Variants in AHCYL2 observed in about 807,000 individuals in gnomAD.
AHCYL2 encodes adenosylhomocysteinase like 2.
A neutral mutation model predicts 81.4 loss-of-function variants in AHCYL2; 28 were observed. The observed-to-expected ratio is 0.34, with a 90% CI of 0.25 to 0.47. The LOEUF is 0.47. AHCYL2 is among the 20% of genes least tolerant of loss of function. The pLI, the probability that AHCYL2 is intolerant of heterozygous loss-of-function variation, is 1.00. For missense variants in AHCYL2, 551 were observed against 785.1 expected, an observed-to-expected ratio of 0.70 and a Z score of 3.56; for synonymous variants, 272 against 290.2, an observed-to-expected ratio of 0.94 and a Z score of 0.64.
chr7:129,285,020 A>G (rs185225005), intron 1 of AHCYL2, among the ~76,000 whole-genome samples: 10 of 152,360 alleles, frequency 6.6e-5, no homozygotes, highest in African/African-American at 2.2e-4. Context: ...AAAAATTAGA[A>G]AACATGGTAC....
intron 1 of AHCYL2, among the ~76,000 whole-genome samples, chr7:129,226,153 T>G (rs1794207525): frequency 6.6e-6 from 1 of 152,240 alleles, no homozygotes; most frequent in African/African-American, 2.4e-5. Flanking sequence ...GATTGCTTTA[T>G]TATAATCTGA....
chr7:129,372,053 GCT>G (rs903812778), intron 1 of AHCYL2, among the ~76,000 whole-genome samples: 1 of 152,114 alleles, frequency 6.6e-6, no homozygotes. Flanking sequence ...AAAACTATGG[GCT>G]CTCTCCCCAG....
chr7:129,370,524 C>T (rs570265102), intron 1 of AHCYL2, among the ~76,000 whole-genome samples: 7 of 151,930 alleles, frequency 4.6e-5, no homozygotes, highest in Admixed American at 1.3e-4. Flanking sequence ...CAGTGAAACC[C>T]GGTCTCTACT....
At chr7:129,253,607 T>A (rs1170680332) in intron 1 of AHCYL2, among the ~76,000 whole-genome samples, 1 of 152,180 alleles carries the variant, frequency 6.6e-6, no homozygotes. Flanking sequence ...AAGGTTGTAA[T>A]TAAGAAATTA....
Position 129,426,350 on chromosome 7 carries a change from T to A in AHCYL2, c.1709-93T>A. 6.3e-7 allele frequency: 1 copy of A among 1,581,368 alleles called. No individual in the cohort carries two copies. Among genetic ancestry groups the A allele is most frequent in the Non-Finnish European group, 8.7e-7 (1 of 1,151,824 alleles). On this transcript the variant is annotated intron_variant, in intron 15 of 16. Transcript: ENST00000325006. The surrounding 1 kb of genome is among the most constrained non-coding windows in gnomAD (Gnocchi z 4.3). ...TCATTCAGCTCCAGGAATTAGAAGG[T>A]GTCTTTGAACTTTTTAAGGCCTAGC...
chr7:129,252,627 G>A (rs572956186), intron 1 of AHCYL2, among the ~76,000 whole-genome samples: 5 of 152,110 alleles, frequency 3.3e-5, no homozygotes, highest in Non-Finnish European at 5.9e-5. Flanking sequence ...ATTGTCTGGG[G>A]GTGGTGGCAC....
chr7:129,390,210 C>G (rs983191801), intron 4 of AHCYL2, among the ~76,000 whole-genome samples: 7 of 152,124 alleles, frequency 4.6e-5, no homozygotes, highest in African/African-American at 1.4e-4. Context: ...TAAAATAATA[C>G]AACAATACAA....
chr7:129,303,721 T>G (rs1244887695), intron 1 of AHCYL2, among the ~76,000 whole-genome samples: 2 of 152,234 alleles, frequency 1.3e-5, no homozygotes, highest in Non-Finnish European at 2.9e-5. Context: ...TTCTACTTAT[T>G]TAAGATGCAT....
intron 1 of AHCYL2, among the ~76,000 whole-genome samples, chr7:129,364,075 C>CA (rs1469205669): frequency 6.6e-6 from 1 of 151,602 alleles, no homozygotes; most frequent in Admixed American, 6.6e-5. Flanking sequence ...GCTATCTCTA[C>CA]AAAAAATTCA....
chr7:129,229,274 T>A (rs567937670), intron 1 of AHCYL2, among the ~76,000 whole-genome samples: 1 of 152,018 alleles, frequency 6.6e-6, no homozygotes, highest in South Asian at 2.1e-4. Flanking sequence ...TCCATGTTGG[T>A]CAGGCTGCTT....
chr7:129,312,380 C>A (rs1797688628), intron 1 of AHCYL2, among the ~76,000 whole-genome samples: 1 of 152,038 alleles, frequency 6.6e-6, no homozygotes, highest in Non-Finnish European at 1.5e-5. Context: ...GCCATTGCAC[C>A]CAGCCTCCTT....
intron 1 of AHCYL2, among the ~76,000 whole-genome samples, chr7:129,361,329 C>T (rs939597380): frequency 6.6e-6 from 1 of 152,206 alleles, no homozygotes; most frequent in South Asian, 2.1e-4. Flanking sequence ...TGGAGCTTCT[C>T]TCTTGCCACG....
rs181319220 is a variant in AHCYL2, at chr7:129,426,726, A to G, written c.1829+163A>G. ...CAAAAGACTCTTCAAGGCCTTAAAT[A>G]GTATTCCCCTTCCTGAATTTGCCTT... is the stretch of plus-strand genomic sequence containing the variant. On this transcript the variant is annotated intron_variant, in intron 16 of 16. Coordinates refer to ENST00000325006, the MANE Select transcript of AHCYL2 (RefSeq NM_015328.4). The surrounding 1 kb of genome is among the most constrained non-coding windows in gnomAD (Gnocchi z 4.3). 1.4e-4 allele frequency among the ~76,000 whole-genome samples: 22 copies of G among 151,858 alleles called. 1 individual carries two copies. Among genetic ancestry groups the G allele is most frequent in the Non-Finnish European group, 1.8e-4 (12 of 67,910 alleles).
Position 129,422,887 on chromosome 7 carries a change from A to G in AHCYL2, c.1509A>G (p.Gln503=), listed in dbSNP as rs764291375. 26 of 1,614,010 alleles carry G rather than the reference A, an allele frequency of 1.6e-5. No individual in the cohort carries two copies. Among genetic ancestry groups the G allele is most frequent in the East Asian group, 4.5e-5 (2 of 44,890 alleles). Residue 503 remains glutamine (Q), a synonymous_variant, in exon 13 of 17, where the codon CAA becomes CAG. Transcript: ENST00000325006. The part of the protein sequence containing the change: ...PELTWERVRS[Q]VDHVIWPDGK... ...TGACCTGGGAGCGAGTGAGATCTCA[A>G]GTTGACCATGTGATATGGCCTGATG...
chr7:129,269,566 C>T (rs897301079), intron 1 of AHCYL2, among the ~76,000 whole-genome samples: 1 of 147,102 alleles, frequency 6.8e-6, no homozygotes, highest in African/African-American at 2.5e-5. Context: ...GGATTATAGG[C>T]GGGAGCCACT....
intron 1 of AHCYL2, among the ~76,000 whole-genome samples, chr7:129,359,563 T>C (rs1350308343): frequency 6.6e-6 from 1 of 152,260 alleles, no homozygotes; most frequent in Non-Finnish European, 1.5e-5. Context: ...ATTCATTTAA[T>C]GGCATTATGT....
intron 1 of AHCYL2, among the ~76,000 whole-genome samples, chr7:129,326,049 C>T (rs1376305018): frequency 6.6e-6 from 1 of 152,092 alleles, no homozygotes; most frequent in Non-Finnish European, 1.5e-5. Flanking sequence ...TAATGTGTTC[C>T]ACTTGGCTGA....
At position 129,350,606 on chromosome 7, in the gene AHCYL2, C is replaced by T. The variant is rs144588793; in HGVS notation, c.364-29032C>T. Among the ~76,000 whole-genome samples the T allele has an allele frequency of 2.8e-3, 420 of 151,192 alleles. 4 individuals carry two copies. The highest frequency in any genetic ancestry group is 9.2e-3 in the African/African-American group (379 of 41,232). On this transcript the variant is annotated intron_variant, in intron 1 of 16. Coordinates refer to ENST00000325006, the MANE Select transcript of AHCYL2 (RefSeq NM_015328.4). ...TTCACTATGTTGGCCAGGCTGGTCT[C>T]GAACTCCTGACCTTGTGATCCTCCT...
intron 1 of AHCYL2, among the ~76,000 whole-genome samples, chr7:129,377,118 G>C (rs988121233): frequency 1.3e-5 from 2 of 152,160 alleles, no homozygotes; most frequent in Non-Finnish European, 2.9e-5. Flanking sequence ...CAGATATAAG[G>C]GTGAATAAGA....
Sources: allele counts gnomAD v4.1 joint callset (sites outside exome capture counted in the v4.1 genomes callset), GRCh38; gene constraint gnomAD v4.1.1; non-coding constraint Gnocchi (gnomAD v3.1); transcripts MANE v1.5; gene names NCBI Gene and HGNC (gene_info 2026-07-23, HGNC 2026-07-21).